AK4: variants seen among roughly 807,000 people sequenced by gnomAD.
AK4 encodes adenylate kinase 4, mitochondrial.
In AK4, 13 loss-of-function variants were observed where a neutral mutation model predicts 24.6. The observed-to-expected ratio is 0.53, with a 90% CI of 0.34 to 0.84. The LOEUF (loss-of-function observed/expected upper bound fraction) is 0.84, where lower values mean the gene tolerates loss of function less well. Among genes scored for constraint, AK4 ranks in the 40% least tolerant of loss-of-function variants. The pLI is 0.01. For missense variants in AK4, 192 were observed against 288.2 expected (o/e 0.67, Z 2.42); for synonymous variants, 88 against 107.0 (o/e 0.82, Z 1.10).
At chr1:65,164,073 A>G (rs139555672) in intron 1 of AK4, among the ~76,000 whole-genome samples, 1 of 152,190 alleles carries the variant, frequency 6.6e-6, no homozygotes, top group African/African-American at 2.4e-5. Flanking sequence ...CAGAGGCTGC[A>G]TGACCCCTAA....
At position 65,177,609 on chromosome 1, in the gene AK4, A is replaced by G. The variant is rs186578599; in HGVS notation, c.146-13101A>G. 1.6e-3 allele frequency among the ~76,000 whole-genome samples: 243 copies of G among 152,332 alleles called. 1 individual carries two copies. The highest frequency in any genetic ancestry group is 5.7e-3 in the African/African-American group (237 of 41,564). The stretch of plus-strand genomic sequence containing the variant: ...CTGCTTCTGTCAGAGAATACTTTGG[A>G]ATCCTAATCTCAGAAATCTTTCAGA... On this transcript the variant is annotated intron_variant, in intron 1 of 4. Transcript: ENST00000327299.
At chr1:65,152,316 A>ATC (rs1158775260) in intron 1 of AK4, among the ~76,000 whole-genome samples, 455 of 32,464 alleles carry the variant, frequency 0.014, 7 homozygotes, top group Non-Finnish European at 0.017. Context: ...TGCACTTGCT[A>ATC]TCTCTCTCTC....
intron 1 of AK4, among the ~76,000 whole-genome samples, chr1:65,157,350 ATG>A (rs1410158501): frequency 6.6e-6 from 1 of 152,170 alleles, no homozygotes; most frequent in Admixed American, 6.5e-5. Context: ...GTCCTGGTAA[ATG>A]TGTCTTTCAA....
At position 65,231,186 on chromosome 1, in the gene AK4, A is replaced by T. The variant is rs1652633623; in HGVS notation, c.*5009A>T. 1 of 152,192 alleles carries T rather than the reference A, an allele frequency of 6.6e-6. No homozygotes were observed. The highest frequency in any genetic ancestry group is 1.5e-5 in the Non-Finnish European group (1 of 68,038). 9.4% of individuals were successfully genotyped at this position (152,192 alleles called of 1,614,324 possible). Reference sequence around the variant, plus strand: ...CCAGAGGTTGAGAAGCCATATTTCAACTGTGAAAAAAATCTGCTTCCTGCA... The same window carrying T: ...CCAGAGGTTGAGAAGCCATATTTCATCTGTGAAAAAAATCTGCTTCCTGCA... On this transcript the variant is annotated 3_prime_UTR_variant, in exon 5 of 5. Transcript: ENST00000327299.
chr1:65,149,500 C>G (rs1203556647), intron 1 of AK4, among the ~76,000 whole-genome samples: 1 of 152,162 alleles, frequency 6.6e-6, no homozygotes, highest in African/African-American at 2.4e-5. Flanking sequence ...TTAGCAACTC[C>G]TTTATGAAAA....
chr1:65,230,326 A>G lies in AK4; in HGVS notation c.*4149A>G, dbSNP rs1373127630. 2 of 152,214 alleles carry G rather than the reference A, an allele frequency of 1.3e-5. 1 individual carries two copies. Among genetic ancestry groups the G allele is most frequent in the South Asian group, 4.1e-4 (2 of 4,830 alleles). The allele number at this position is 152,214 out of a possible 1,614,324, so 9.4% of individuals were successfully genotyped here. A position where few individuals can be genotyped will look rare whatever the true frequency, so the allele number is the denominator to read the frequency against. On this transcript the variant is annotated 3_prime_UTR_variant, in exon 5 of 5. Coordinates refer to ENST00000327299, the MANE Select transcript of AK4 (RefSeq NM_013410.4). ...ATGTTGAGACCGGATAACTTTAGAA[A>G]GATACCTGCACAAACCCATAAATAG...
chr1:65,169,039 G>A (rs574147255), intron 1 of AK4, among the ~76,000 whole-genome samples: 14 of 152,092 alleles, frequency 9.2e-5, no homozygotes, highest in South Asian at 2.1e-4. Flanking sequence ...AGCCAGCTGT[G>A]GTGGTGTACC....
chr1:65,172,063 GTATA>G (rs3051712), intron 1 of AK4, among the ~76,000 whole-genome samples: 1,720 of 65,632 alleles, frequency 0.026, 47 homozygotes, highest in South Asian at 0.031. Context: ...TCCATCTCAA[GTATA>G]TATATATATA....
Position 65,206,461 on chromosome 1 carries a change from C to T in AK4, c.266-12293C>T, listed in dbSNP as rs1330606209. ...TGGGGACTTATATTCAAAGAACAAGCAAGCAGGCCGGACGCGGTGGCTTGT... is the reference window on the plus strand; with the variant it reads ...TGGGGACTTATATTCAAAGAACAAGTAAGCAGGCCGGACGCGGTGGCTTGT... On this transcript the variant is annotated intron_variant, in intron 2 of 4. Coordinates refer to ENST00000327299, the MANE Select transcript of AK4 (RefSeq NM_013410.4). Among the ~76,000 whole-genome samples, 4 of 152,326 alleles carry T rather than the reference C, an allele frequency of 2.6e-5. No homozygotes were observed. In the East Asian group the frequency reaches 7.7e-4, roughly 29 times the overall value.
intron 1 of AK4, among the ~76,000 whole-genome samples, chr1:65,153,509 A>G (rs1382239343): frequency 6.6e-6 from 1 of 152,052 alleles, no homozygotes; most frequent in Non-Finnish European, 1.5e-5. Flanking sequence ...TAGTTCAGGC[A>G]GTCTGCCCGC....
intron 2 of AK4, among the ~76,000 whole-genome samples, chr1:65,207,812 GAGTT>G (rs1022855497): frequency 1.3e-5 from 2 of 152,136 alleles, no homozygotes; most frequent in Non-Finnish European, 2.9e-5. Flanking sequence ...TTCTGGTCTT[GAGTT>G]AGTTCTCTTA....
chr1:65,157,029 A>G (rs899949254), intron 1 of AK4, among the ~76,000 whole-genome samples: 7 of 152,162 alleles, frequency 4.6e-5, no homozygotes, highest in South Asian at 2.1e-4. Flanking sequence ...AAAATTAACT[A>G]TTTTCCAAAA....
chr1:65,173,280 A>G (rs1650600846), intron 1 of AK4, among the ~76,000 whole-genome samples: 1 of 152,142 alleles, frequency 6.6e-6, no homozygotes, highest in Admixed American at 6.5e-5. Context: ...GGGGGATATT[A>G]GTGACCCTGG....
Position 65,148,205 on chromosome 1 carries a change from T to A in AK4, c.-203T>A. ...CGGGGAGGTGTAGCGTGGCGCTCAGTCCGCCTGCTACTCGGTCCCGGCGCT... is the reference window on the plus strand; with the variant it reads ...CGGGGAGGTGTAGCGTGGCGCTCAGACCGCCTGCTACTCGGTCCCGGCGCT... On this transcript the variant is annotated 5_prime_UTR_variant, in exon 1 of 5. Coordinates refer to ENST00000327299, the MANE Select transcript of AK4 (RefSeq NM_013410.4). 1 of 1,149,924 alleles carries A rather than the reference T, an allele frequency of 8.7e-7. No individual in the cohort carries two copies. The allele number at this position is 1,149,924 out of a possible 1,614,324, so 71.2% of individuals were successfully genotyped here. A position where few individuals can be genotyped will look rare whatever the true frequency, so the allele number is the denominator to read the frequency against.
intron 1 of AK4, among the ~76,000 whole-genome samples, chr1:65,171,323 T>A (rs1410046708): frequency 1.3e-5 from 1 of 74,306 alleles, no homozygotes; most frequent in Non-Finnish European, 2.8e-5. Context: ...TTTTTTTTTT[T>A]TGAGACAGAG....
intron 3 of AK4, among the ~76,000 whole-genome samples, chr1:65,223,525 G>A (rs1183056986): frequency 6.6e-6 from 1 of 151,950 alleles, no homozygotes; most frequent in Admixed American, 6.6e-5. Context: ...TGAGAGTGGG[G>A]GGGTTCTTGC....
chr1:65,224,081 C>T (rs544386150), intron 3 of AK4, among the ~76,000 whole-genome samples: 1 of 152,272 alleles, frequency 6.6e-6, no homozygotes, highest in African/African-American at 2.4e-5. Context: ...AAAGAAGCAA[C>T]ACATAGGAAA....
intron 2 of AK4, among the ~76,000 whole-genome samples, chr1:65,204,404 T>C (rs1651754228): frequency 6.6e-6 from 1 of 152,062 alleles, no homozygotes; most frequent in African/African-American, 2.4e-5. Context: ...TTTCACCATA[T>C]TGGGCAGGCT....
chr1:65,193,199 G>A (rs931372867), intron 2 of AK4, among the ~76,000 whole-genome samples: 2 of 152,214 alleles, frequency 1.3e-5, no homozygotes, highest in African/African-American at 2.4e-5. Flanking sequence ...GGTGGAGGAA[G>A]CCATGCTCTG....
Sources: allele counts gnomAD v4.1 joint callset (sites outside exome capture counted in the v4.1 genomes callset), GRCh38; gene constraint gnomAD v4.1.1; transcripts MANE v1.5; gene names NCBI Gene and HGNC (gene_info 2026-07-23, HGNC 2026-07-21).